Variants in ADARB2 observed in about 807,000 individuals in gnomAD.
ADARB2 encodes inactive double-stranded RNA-specific editase B2.
Under a neutral mutation model 62.2 loss-of-function variants are expected in ADARB2, and 25 were observed. That is an observed-to-expected ratio of 0.40 (90% confidence interval 0.29 to 0.56). The LOEUF (loss-of-function observed/expected upper bound fraction) is 0.56. ADARB2 is among the 20% of genes least tolerant of loss of function. The probability of loss-of-function intolerance (pLI) is 0.43; values close to 1 mark genes in which losing one functional copy is unlikely to be tolerated. For missense variants in ADARB2, 1,071 were observed against 1,077.4 expected, an observed-to-expected ratio of 0.99 and a Z score of 0.08; for synonymous variants, 572 against 500.8, an observed-to-expected ratio of 1.14 and a Z score of -1.90.
chr10:1,265,022 TC>T (rs1180308418), intron 4 of ADARB2, among the ~76,000 whole-genome samples: 1 of 152,238 alleles, frequency 6.6e-6, no homozygotes, highest in Non-Finnish European at 1.5e-5. Context: ...AAAAATAATT[TC>T]CCATAAAGAG....
chr10:1,356,340 G>A (rs1241237964), intron 3 of ADARB2, among the ~76,000 whole-genome samples: 1 of 152,240 alleles, frequency 6.6e-6, no homozygotes, highest in Non-Finnish European at 1.5e-5. Flanking sequence ...AGGCGCATGG[G>A]AAGAATGGTC....
intron 1 of ADARB2, among the ~76,000 whole-genome samples, chr10:1,723,384 T>C (rs1835121397): frequency 6.6e-6 from 1 of 152,212 alleles, no homozygotes; most frequent in African/African-American, 2.4e-5. Flanking sequence ...GGTCCCTTCT[T>C]AAGCAAAGAA....
rs1041897683 is a variant in ADARB2, at chr10:1,177,806, C to G, written c.*5387G>C. The G allele has an allele frequency of 2.6e-5, 4 of 152,248 alleles. No individual in the cohort carries two copies. Among genetic ancestry groups the G allele is most frequent in the Non-Finnish European group, 5.9e-5 (4 of 68,066 alleles). 9.4% of individuals were successfully genotyped at this position (152,248 alleles called of 1,614,324 possible). On this transcript the variant is annotated 3_prime_UTR_variant, in exon 10 of 10. Coordinates refer to ENST00000381312, the MANE Select transcript of ADARB2 (RefSeq NM_018702.4). ...AGGAGTGATATTGTTTGGTGTGAAT[C>G]TCTAGAGGCCAGCGCGGTGGCTCAT...
intron 5 of ADARB2, among the ~76,000 whole-genome samples, chr10:1,235,050 C>A (rs1830852045): frequency 6.6e-6 from 1 of 152,152 alleles, no homozygotes; most frequent in African/African-American, 2.4e-5. Flanking sequence ...CTGGGCCCCA[C>A]CATGATCTTT....
At chr10:1,601,622 C>T (rs1418741032) in intron 1 of ADARB2, among the ~76,000 whole-genome samples, 1 of 152,212 alleles carries the variant, frequency 6.6e-6, no homozygotes, top group Non-Finnish European at 1.5e-5. Context: ...ATGTGCTGAG[C>T]TGATGAGCAG....
At chr10:1,339,962 G>C (rs1832007593) in intron 3 of ADARB2, among the ~76,000 whole-genome samples, 1 of 152,104 alleles carries the variant, frequency 6.6e-6, no homozygotes, top group Non-Finnish European at 1.5e-5. Flanking sequence ...CTCACAGCTG[G>C]GGGTGGGCAG....
intron 1 of ADARB2, among the ~76,000 whole-genome samples, chr10:1,421,020 T>C (rs1228171572): frequency 6.6e-6 from 1 of 151,854 alleles, no homozygotes; most frequent in African/African-American, 2.4e-5. Context: ...CTGCTCTCCA[T>C]CTAGTGTGTT....
chr10:1,575,184 A>C (rs1361643062), intron 1 of ADARB2, among the ~76,000 whole-genome samples: 2 of 152,206 alleles, frequency 1.3e-5, no homozygotes, highest in Non-Finnish European at 2.9e-5. Flanking sequence ...TTCACCCCTC[A>C]TGGAACGGCT....
chr10:1,526,923 C>A (rs751529535), intron 1 of ADARB2: 3 of 401,236 alleles, frequency 7.5e-6, no homozygotes, highest in African/African-American at 4.2e-5. Context: ...TAGAAACATC[C>A]CCTGCATCTT....
intron 1 of ADARB2, among the ~76,000 whole-genome samples, chr10:1,528,993 T>G (rs1256757292): frequency 6.6e-6 from 1 of 152,158 alleles, no homozygotes; most frequent in East Asian, 1.9e-4. Flanking sequence ...GACTAGTTTT[T>G]GGGACAAGAT....
intron 1 of ADARB2, among the ~76,000 whole-genome samples, chr10:1,524,538 C>T (rs1832116732): frequency 6.6e-6 from 1 of 152,210 alleles, no homozygotes; most frequent in Non-Finnish European, 1.5e-5. Context: ...AGTTCTAAAA[C>T]CTCCACAGCA....
chr10:1,220,280 T>C (rs1255376299), intron 6 of ADARB2, among the ~76,000 whole-genome samples: 1 of 136,884 alleles, frequency 7.3e-6, no homozygotes, highest in Non-Finnish European at 1.6e-5. Flanking sequence ...ATGATGGTAA[T>C]GGTGATGGTG....
At chr10:1,501,702 G>A (rs60457795) in intron 1 of ADARB2, among the ~76,000 whole-genome samples, 5,115 of 152,282 alleles carry the variant, frequency 0.034, 272 homozygotes, top group African/African-American at 0.11. Context: ...AGGGTAAAAT[G>A]TAAACTAGCC....
intron 1 of ADARB2, among the ~76,000 whole-genome samples, chr10:1,508,167 G>A (rs1241133590): frequency 6.6e-6 from 1 of 152,178 alleles, no homozygotes; most frequent in African/African-American, 2.4e-5. Flanking sequence ...TGTTGGCGTT[G>A]GATGAATAGG....
At chr10:1,629,445 C>T (rs1412518448) in intron 1 of ADARB2, among the ~76,000 whole-genome samples, 1 of 152,026 alleles carries the variant, frequency 6.6e-6, no homozygotes, top group Non-Finnish European at 1.5e-5. Flanking sequence ...GAGCTAAAGC[C>T]TCAGCGCTCA....
In ADARB2 at chr10:1,385,302, A is replaced by G. The variant is rs556012700; in HGVS notation, c.101-6142T>C. ...GAATATGACCAATCATCAGAAAAAA[A>G]TATAGTCGAAGTAAAAAGATCTAAT... On this transcript the variant is annotated intron_variant, in intron 1 of 9. Coordinates refer to ENST00000381312, the MANE Select transcript of ADARB2 (RefSeq NM_018702.4). 3.9e-5 allele frequency among the ~76,000 whole-genome samples: 6 copies of G among 152,346 alleles called. No individual in the cohort carries two copies. The South Asian group carries it at 1.2e-3, about 32-fold the overall frequency.
chr10:1,696,251 G>A (rs868147808), intron 1 of ADARB2, among the ~76,000 whole-genome samples: 7 of 151,402 alleles, frequency 4.6e-5, no homozygotes, highest in Non-Finnish European at 8.8e-5. Flanking sequence ...GTGTGCACAT[G>A]TGCATTGTGT....
chr10:1,656,772 T>G (rs1339455833), intron 1 of ADARB2, among the ~76,000 whole-genome samples: 1 of 152,222 alleles, frequency 6.6e-6, no homozygotes, highest in Non-Finnish European at 1.5e-5. Flanking sequence ...TTAATCTTTT[T>G]TTAATGTGCC....
At chr10:1,250,126 C>T (rs1374237340) in intron 4 of ADARB2, among the ~76,000 whole-genome samples, 1 of 150,534 alleles carries the variant, frequency 6.6e-6, no homozygotes, top group Non-Finnish European at 1.5e-5. Context: ...ATAATGAATC[C>T]TCTCTAAATT....
Sources: allele counts gnomAD v4.1 joint callset (sites outside exome capture counted in the v4.1 genomes callset), GRCh38; gene constraint gnomAD v4.1.1; transcripts MANE v1.5; gene names NCBI Gene and HGNC (gene_info 2026-07-23, HGNC 2026-07-21).